The following SEMA7A variants were observed in gnomAD, a reference collection of about 807,000 sequenced individuals.
The protein encoded by SEMA7A is semaphorin 7A (JohnMiltonHagen blood group).
Under a neutral mutation model 67.5 loss-of-function variants are expected in SEMA7A, and 21 were observed. The observed-to-expected ratio is 0.31, with a 90% CI of 0.22 to 0.45. The LOEUF (loss-of-function observed/expected upper bound fraction) is 0.45, where lower values mean the gene tolerates loss of function less well. SEMA7A is among the 20% of genes least tolerant of loss of function. SEMA7A has a pLI of 1.00. For synonymous variants in SEMA7A, 364 were observed against 368.5 expected (o/e 0.99, Z 0.14); for missense variants, 774 against 908.6 (o/e 0.85, Z 1.90).
chr15:74,414,704 C>T lies in SEMA7A; in HGVS notation c.1137G>A (p.Gln379=), dbSNP rs1433464529. 2 of 1,614,076 alleles carry T rather than the reference C, an allele frequency of 1.2e-6. No homozygotes were observed. The highest frequency in any genetic ancestry group is 1.7e-6 in the Non-Finnish European group (2 of 1,180,050). Residue 379 remains glutamine (Q), a synonymous_variant, in exon 10 of 14, where the codon CAG becomes CAA. Coordinates refer to ENST00000261918, the MANE Select transcript of SEMA7A (RefSeq NM_003612.5). This position sits in a 1 kb window ranked among gnomAD's most constrained non-coding sequence, Gnocchi z 4.1. ...DQQPIPTETF[Q]VADRHPEVAQ... ...CCACCTCTGGGTGACGGTCAGCCACCTGGAAGGTCTCTGTGGGTATCGGCT... is the reference window on the plus strand; with the variant it reads ...CCACCTCTGGGTGACGGTCAGCCACTTGGAAGGTCTCTGTGGGTATCGGCT...
chr15:74,415,691 A>G, intron 8 of SEMA7A, 110 bp downstream of exon 8: 1 of 1,102,686 alleles, frequency 9.1e-7, no homozygotes, highest in Admixed American at 2.7e-5. Flanking sequence ...TTGAGCCTGC[A>G]GCCCCTGCTC....
Position 74,417,977 on chromosome 15 carries a change from G to A in SEMA7A, c.373-8C>T. 4 of 1,612,514 alleles carry A rather than the reference G, an allele frequency of 2.5e-6. No individual in the cohort carries two copies. The highest frequency in any genetic ancestry group is 1.7e-6 in the Non-Finnish European group (2 of 1,179,814). On this transcript the variant is annotated splice_polypyrimidine_tract_variant and splice_region_variant and intron_variant, in intron 3 of 13. Coordinates refer to ENST00000261918, the MANE Select transcript of SEMA7A (RefSeq NM_003612.5). ...GATGTAGTTCTCGCAGTCCTGCCCGGGGAAGAGAGAAGGGAGGAGAGAAAT... is the reference window on the plus strand; with the variant it reads ...GATGTAGTTCTCGCAGTCCTGCCCGAGGAAGAGAGAAGGGAGGAGAGAAAT...
chr15:74,412,040 G>A, intron 10 of SEMA7A, 28 bp from the exon 11 acceptor site: 1 of 1,612,914 alleles, frequency 6.2e-7, no homozygotes, highest in Non-Finnish European at 8.5e-7. Flanking sequence ...AGGGTCAGTG[G>A]GCGGGAGTCC....
At chr15:74,427,191 G>C in intron 1 of SEMA7A, 1 of 983,976 alleles carries the variant, frequency 1.0e-6, no homozygotes, top group Non-Finnish European at 1.2e-6. Flanking sequence ...CACCATCTTC[G>C]CTCAGATCAT....
intron 7 of SEMA7A, 33 bp downstream of exon 7, chr15:74,416,542 C>T: frequency 6.2e-7 from 1 of 1,608,664 alleles, no homozygotes; most frequent in Non-Finnish European, 8.5e-7. Context: ...CATGCACAGA[C>T]ACGTAGCCAG....
At chr15:74,433,633 G>A (rs1484518134) in intron 1 of SEMA7A, 108 bp downstream of exon 1, 3 of 1,293,924 alleles carry the variant, frequency 2.3e-6, no homozygotes, top group African/African-American at 3.1e-5. Context: ...GGGACAGCCC[G>A]GGACCCGCAG....
In SEMA7A at chr15:74,423,423, C is replaced by T. The variant is rs182791263; in HGVS notation, c.179-4471G>A. Among the ~76,000 whole-genome samples, 3 of 152,278 alleles carry T rather than the reference C, an allele frequency of 2.0e-5. No individual in the cohort carries two copies. Among genetic ancestry groups the T allele is most frequent in the Middle Eastern group, 3.4e-3 (1 of 294 alleles). ...ACAGAGGCCAGAGAGGCTGTACCAC[C>T]GGCCCAAGGACACAGAGCGAGGGAA... On this transcript the variant is annotated intron_variant, in intron 1 of 13. Coordinates refer to ENST00000261918, the MANE Select transcript of SEMA7A (RefSeq NM_003612.5). This position sits in a 1 kb window ranked among gnomAD's most constrained non-coding sequence, Gnocchi z 4.1.
chr15:74,427,845 C>T (rs1186697643), intron 1 of SEMA7A, among the ~76,000 whole-genome samples: 1 of 152,238 alleles, frequency 6.6e-6, no homozygotes, highest in Non-Finnish European at 1.5e-5. Flanking sequence ...AGGCAGAAGA[C>T]TCACCTCTCC....
Position 74,433,874 on chromosome 15 carries a change from G to C in SEMA7A, c.45C>G (p.Arg15=). The C allele has an allele frequency of 5.5e-6, 7 of 1,276,616 alleles. No individual in the cohort carries two copies. Among genetic ancestry groups the C allele is most frequent in the Non-Finnish European group, 6.9e-6 (7 of 1,017,282 alleles). 79.1% of individuals were successfully genotyped at this position (1,276,616 alleles called of 1,614,324 possible). A position where few individuals can be genotyped will look rare whatever the true frequency, so the allele number is the denominator to read the frequency against. ...PPGRAAPSAP[R]ARVPGPPARL... ...GAGCCGGCGGGCCAGGGACGCGGGC[G>C]CGCGGTGCGCTGGGGGCGGCACGTC... The change falls in exon 1 of 14, where the codon CGC becomes CGG. Residue 15 remains arginine, a synonymous_variant. Coordinates refer to ENST00000261918, the MANE Select transcript of SEMA7A (RefSeq NM_003612.5).
In SEMA7A at chr15:74,409,802, G is replaced by A. The variant is rs1001211485; in HGVS notation, c.*822C>T. 5.8e-5 allele frequency: 5 copies of A among 86,260 alleles called. No individual in the cohort carries two copies. Among genetic ancestry groups the A allele is most frequent in the African/African-American group, 9.6e-5 (2 of 20,836 alleles). 5.3% of individuals were successfully genotyped at this position (86,260 alleles called of 1,614,324 possible). ...GCTCCAACAACGTCCCCCTCAGACC[G>A]GGCTCCCAGGGCAGAGCCAGCTCAT... is the stretch of plus-strand genomic sequence containing the variant. On this transcript the variant is annotated 3_prime_UTR_variant, in exon 14 of 14. Transcript: ENST00000261918.
At chr15:74,420,542 C>T (rs1008521402) in intron 1 of SEMA7A, among the ~76,000 whole-genome samples, 2 of 152,204 alleles carry the variant, frequency 1.3e-5, no homozygotes, top group African/African-American at 2.4e-5. Flanking sequence ...CTCCCTGGCC[C>T]CCAAGCCTCC....
chr15:74,416,750 G>A (rs370244133), intron 6 of SEMA7A, 36 bp from the exon 7 acceptor site: 37 of 1,606,338 alleles, frequency 2.3e-5, no homozygotes, highest in Non-Finnish European at 3.0e-5. Context: ...GTAAGGCTGG[G>A]AAGCTTGCCC....
chr15:74,418,183 G>T, intron 3 of SEMA7A, 85 bp downstream of exon 3: 1 of 1,400,508 alleles, frequency 7.1e-7, no homozygotes, highest in Non-Finnish European at 1.0e-6. Context: ...GTGGGGCAGG[G>T]CCATGCTTCC....
At chr15:74,417,485 G>C in intron 5 of SEMA7A, 40 bp from the exon 6 acceptor site, 3 of 1,590,640 alleles carry the variant, frequency 1.9e-6, no homozygotes, top group South Asian at 2.2e-5. Flanking sequence ...AGGGCAGGCA[G>C]CTCCTGGAAG....
chr15:74,409,432 C>G lies in SEMA7A; in HGVS notation c.*1192G>C, dbSNP rs28362928. 1 of 152,334 alleles carries G rather than the reference C, an allele frequency of 6.6e-6. No homozygotes were observed. The allele number at this position is 152,334 out of a possible 1,614,324, so 9.4% of individuals were successfully genotyped here. ...AGCCGGAGAAGGGCCCAGCTCCCCC[C>G]TGAAATGGATGGACAGGGCTGGGGG... On this transcript the variant is annotated 3_prime_UTR_variant, in exon 14 of 14. Coordinates refer to ENST00000261918, the MANE Select transcript of SEMA7A (RefSeq NM_003612.5).
At chr15:74,433,166 C>G (rs995630057) in intron 1 of SEMA7A, among the ~76,000 whole-genome samples, 1 of 152,032 alleles carries the variant, frequency 6.6e-6, no homozygotes, top group Non-Finnish European at 1.5e-5. Flanking sequence ...CATGTCCCGC[C>G]GCTCGCTGCA....
Position 74,415,806 on chromosome 15 carries a change from G to T in SEMA7A, c.981C>A (p.Asn327Lys). 6.2e-7 allele frequency: 1 copy of T among 1,612,606 alleles called. No homozygotes were observed. Residue 327 changes from asparagine to lysine, a missense_variant, in exon 8 of 14, where the codon AAC (asparagine) becomes AAA (lysine). Asn to Lys is a moderately conservative substitution (Grantham distance 94). Transcript: ENST00000261918. ...RDTRVYGVFS[N>K]PWNYSAVCVY... ...CCAGGACAAGGGCCACTCACCAGGG[G>T]TTGGAGAAAACACCATAGACCCTGG...
intron 4 of SEMA7A, 21 bp from the exon 5 acceptor site, chr15:74,417,696 T>C (rs2060963835): frequency 2.5e-6 from 4 of 1,599,816 alleles, no homozygotes; most frequent in Non-Finnish European, 3.4e-6. Context: ...TCCAGAGGGT[T>C]GGATGGCCAC....
chr15:74,427,018 C>T (rs1030040112), intron 1 of SEMA7A, among the ~76,000 whole-genome samples: 1 of 152,244 alleles, frequency 6.6e-6, no homozygotes, highest in Non-Finnish European at 1.5e-5. Flanking sequence ...CACTTTGCTC[C>T]TGTTCTCCCC....
Sources: allele counts gnomAD v4.1 joint callset (sites outside exome capture counted in the v4.1 genomes callset), GRCh38; gene constraint gnomAD v4.1.1; non-coding constraint Gnocchi (gnomAD v3.1); transcripts MANE v1.5; gene names NCBI Gene and HGNC (gene_info 2026-07-23, HGNC 2026-07-21).